ROR1: variants seen among roughly 807,000 people sequenced by gnomAD.
The protein encoded by ROR1 is ROR family WNT receptor 1, also known as inactive tyrosine-protein kinase transmembrane receptor ROR1.
Under a neutral mutation model 78.8 loss-of-function variants are expected in ROR1, and 19 were observed. That is an observed-to-expected ratio of 0.24 (90% CI 0.17 to 0.35). ROR1 has a LOEUF of 0.35. Ranked by LOEUF, ROR1 falls within the 10% of genes least tolerant of loss-of-function variation. The probability of loss-of-function intolerance (pLI) is 1.00; values close to 1 mark genes in which losing one functional copy is unlikely to be tolerated. For missense variants in ROR1, 917 were observed against 1,177.8 expected (o/e 0.78, Z 3.24); for synonymous variants, 386 against 433.6 (o/e 0.89, Z 1.36).
At chr1:64,057,224 A>G (rs1356614978) in intron 4 of ROR1, among the ~76,000 whole-genome samples, 1 of 152,098 alleles carries the variant, frequency 6.6e-6, no homozygotes, top group Non-Finnish European at 1.5e-5. Flanking sequence ...TTGCATGTGG[A>G]TATCCTGTTG....
chr1:63,821,951 C>T lies in ROR1; in HGVS notation c.91+47443C>T, dbSNP rs527870548. On this transcript the variant is annotated intron_variant, in intron 1 of 8. Transcript: ENST00000371079. The stretch of plus-strand genomic sequence containing the variant: ...ATGGGATTTTGGTATTCCAGGTTTG[C>T]TCTACTTTGCACACTGGACAGCTTC... 1.3e-4 allele frequency among the ~76,000 whole-genome samples: 20 copies of T among 152,290 alleles called. No homozygotes were observed. In the South Asian group the frequency reaches 4.1e-3, roughly 32 times the overall value.
In ROR1 at chr1:64,177,484, G is replaced by A. The variant is rs772024795; in HGVS notation, c.1443G>A (p.Glu481=). Residue 481 remains glutamate, a synonymous_variant, in exon 9 of 9, where the codon GAG becomes GAA. Coordinates refer to ENST00000371079, the MANE Select transcript of ROR1 (RefSeq NM_005012.4). ...SAVRFMEELG[E]CAFGKIYKGH... ...TACGCTTTATGGAAGAATTGGGTGA[G>A]TGTGCCTTTGGAAAAATCTATAAAG... 6.2e-7 allele frequency: 1 copy of A among 1,614,210 alleles called. No individual in the cohort carries two copies. Among genetic ancestry groups the A allele is most frequent in the South Asian group, 1.1e-5 (1 of 91,090 alleles).
intron 1 of ROR1, among the ~76,000 whole-genome samples, chr1:63,903,224 A>C (rs888553892): frequency 6.6e-6 from 1 of 152,140 alleles, no homozygotes; most frequent in Non-Finnish European, 1.5e-5. Context: ...AAATAAACTT[A>C]ATCGGCAGTT....
intron 1 of ROR1, among the ~76,000 whole-genome samples, chr1:63,783,768 G>C (rs749487860): frequency 1.3e-5 from 2 of 152,216 alleles, no homozygotes; most frequent in Non-Finnish European, 2.9e-5. Flanking sequence ...AGCAGAGCAA[G>C]AGTATATGGG....
chr1:64,004,885 A>G (rs541931203), intron 1 of ROR1, among the ~76,000 whole-genome samples: 1 of 152,172 alleles, frequency 6.6e-6, no homozygotes, highest in Non-Finnish European at 1.5e-5. Context: ...AATAGCCCCT[A>G]TTGATCAAAT....
intron 4 of ROR1, among the ~76,000 whole-genome samples, chr1:64,116,837 T>A (rs1557660137): frequency 6.6e-6 from 1 of 152,174 alleles, no homozygotes; most frequent in Non-Finnish European, 1.5e-5. Flanking sequence ...CACCCCAGCC[T>A]ACGGTGGATT....
At chr1:64,003,669 G>A (rs1646405335) in intron 1 of ROR1, among the ~76,000 whole-genome samples, 1 of 136,338 alleles carries the variant, frequency 7.3e-6, no homozygotes, top group Non-Finnish European at 1.6e-5. Flanking sequence ...CCTAGGGCTA[G>A]AGCATGGCTC....
At chr1:63,804,785 C>T (rs1022216942) in intron 1 of ROR1, among the ~76,000 whole-genome samples, 1 of 152,086 alleles carries the variant, frequency 6.6e-6, no homozygotes, top group Non-Finnish European at 1.5e-5. Context: ...CAATCTCTCC[C>T]CTAAATAAGA....
intron 1 of ROR1, among the ~76,000 whole-genome samples, chr1:63,995,718 A>G (rs527807958): frequency 1.3e-5 from 2 of 152,214 alleles, no homozygotes; most frequent in Non-Finnish European, 1.5e-5. Flanking sequence ...AAATAATTCT[A>G]TATAACAAAT....
At chr1:63,964,100 C>G (rs1569984292) in intron 1 of ROR1, among the ~76,000 whole-genome samples, 1 of 152,316 alleles carries the variant, frequency 6.6e-6, no homozygotes, top group East Asian at 1.9e-4. Flanking sequence ...AACAGCTACT[C>G]TGTAAGATAT....
In ROR1 at chr1:64,140,390, C is replaced by T. The variant is rs1432743881; in HGVS notation, c.892C>T (p.Arg298Trp). Residue 298 changes from arginine to tryptophan, a missense_variant, in exon 6 of 9, where the codon CGG (arginine) becomes TGG (tryptophan). This residue lies in a region of ROR1 where 835 missense variants were observed against 1,069.8 expected (regional missense o/e 0.78). Transcript: ENST00000371079. ...GAGCCCAGAAGCTGCGAACTGTATC[C>T]GGATTGGAATTCCCATGGCAGATCC... Reference protein sequence around the residue: ...PESPEAANCIRIGIPMADPIN... With the variant: ...PESPEAANCIWIGIPMADPIN... 1.8e-5 allele frequency: 29 copies of T among 1,613,976 alleles called. No individual in the cohort carries two copies. Among genetic ancestry groups the T allele is most frequent in the African/African-American group, 4.0e-5 (3 of 74,916 alleles).
At chr1:63,981,331 A>G (rs1258110860) in intron 1 of ROR1, among the ~76,000 whole-genome samples, 3 of 152,090 alleles carry the variant, frequency 2.0e-5, no homozygotes, top group East Asian at 3.9e-4. Context: ...CAGTGGTTCC[A>G]TCCCAAATGC....
At chr1:64,015,760 C>G (rs1290291518) in intron 2 of ROR1, among the ~76,000 whole-genome samples, 1 of 152,040 alleles carries the variant, frequency 6.6e-6, no homozygotes, top group Non-Finnish European at 1.5e-5. Flanking sequence ...TCCTTGTGTT[C>G]CAGCTTCAAA....
Position 64,155,179 on chromosome 1 carries a change from C to T in ROR1, c.1175-3802C>T, listed in dbSNP as rs546274010. ...CTCTGTGTGTAAAGTCAAGATAACACCAATGTGCCTTCCGGGTTAAAATGA... is the reference window on the plus strand; with the variant it reads ...CTCTGTGTGTAAAGTCAAGATAACATCAATGTGCCTTCCGGGTTAAAATGA... On this transcript the variant is annotated intron_variant, in intron 7 of 8. Coordinates refer to ENST00000371079, the MANE Select transcript of ROR1 (RefSeq NM_005012.4). Among the ~76,000 whole-genome samples, 32 of 152,196 alleles carry T rather than the reference C, an allele frequency of 2.1e-4. No individual in the cohort carries two copies. The South Asian group carries it at 6.6e-3, about 32-fold the overall frequency.
At chr1:63,831,751 G>C (rs943047965) in intron 1 of ROR1, among the ~76,000 whole-genome samples, 1 of 152,188 alleles carries the variant, frequency 6.6e-6, no homozygotes, top group Admixed American at 6.5e-5. Flanking sequence ...TTCTGCAGCT[G>C]GTAGCTTGAA....
At chr1:63,850,788 T>C (rs1645109322) in intron 1 of ROR1, among the ~76,000 whole-genome samples, 1 of 152,160 alleles carries the variant, frequency 6.6e-6, no homozygotes, top group African/African-American at 2.4e-5. Context: ...GAACACATTA[T>C]GTACATTTCT....
chr1:63,944,546 T>C (rs1312545023), intron 1 of ROR1, among the ~76,000 whole-genome samples: 2 of 152,210 alleles, frequency 1.3e-5, no homozygotes, highest in Non-Finnish European at 2.9e-5. Context: ...ATGGTTTGAT[T>C]TACTTAAGTG....
At chr1:64,027,164 T>A (rs114673151) in intron 2 of ROR1, among the ~76,000 whole-genome samples, 85 of 152,232 alleles carry the variant, frequency 5.6e-4, no homozygotes, top group African/African-American at 2.0e-3. Context: ...TTACAGGAGA[T>A]CATGCAGAGC....
intron 1 of ROR1, among the ~76,000 whole-genome samples, chr1:63,822,375 C>T (rs1361732356): frequency 6.6e-6 from 1 of 152,066 alleles, no homozygotes; most frequent in African/African-American, 2.4e-5. Flanking sequence ...TGATTTTATT[C>T]CTTTATTCTA....
Sources: gnomAD v4.1 joint callset for allele counts (sites outside exome capture counted in the v4.1 genomes callset) on GRCh38, gnomAD v4.1.1 for gene constraint, gnomAD v4.1.1 regional missense constraint, MANE v1.5 for transcripts, NCBI Gene and HGNC (gene_info 2026-07-23, HGNC 2026-07-21) for gene names.